Variants in TET1 observed in about 807,000 individuals in gnomAD.
The protein encoded by TET1 is methylcytosine dioxygenase TET1.
A neutral mutation model predicts 148.7 loss-of-function variants in TET1; 13 were observed. That is an observed-to-expected ratio of 0.09 (90% CI 0.06 to 0.14). TET1 has a LOEUF of 0.14. Among genes scored for constraint, TET1 ranks in the 10% least tolerant of loss-of-function variants. TET1 has a pLI of 1.00. For missense variants in TET1, 2,182 were observed against 2,553.8 expected, an observed-to-expected ratio of 0.85 and a Z score of 3.14; for synonymous variants, 907 against 937.2, an observed-to-expected ratio of 0.97 and a Z score of 0.59.
chr10:68,674,869 C>A, intron 8 of TET1: 4 of 411,014 alleles, frequency 9.7e-6, no homozygotes, highest in South Asian at 8.5e-5. Context: ...AAGAAGTGGT[C>A]AATAAATTGA....
At chr10:68,595,965 C>G (rs865838806) in intron 2 of TET1, among the ~76,000 whole-genome samples, 1 of 28,822 alleles carries the variant, frequency 3.5e-5, no homozygotes, top group Non-Finnish European at 6.4e-5. Flanking sequence ...TATATATACA[C>G]ACACACACAC....
rs112413582 is a variant in TET1, at chr10:68,676,157, T to TTGTGTGTGTGTGTG, written c.4824+3128_4824+3141dup. On this transcript the variant is annotated intron_variant, in intron 8 of 11. Transcript: ENST00000373644. ...GGTGTGAGCCACAGCACCTGGCCTT[T>TTGTGTGTGTGTGTG]TGTGTGTGTGTGTGTGTGTGTGTGT... 3.1e-3 allele frequency among the ~76,000 whole-genome samples: 403 copies of TTGTGTGTGTGTGTG among 129,202 alleles called. 4 individuals are homozygous for TTGTGTGTGTGTGTG. The highest frequency in any genetic ancestry group is 8.6e-3 in the African/African-American group (290 of 33,876). 84.8% of individuals were successfully genotyped at this position (129,202 alleles called of 152,430 possible).
intron 3 of TET1, among the ~76,000 whole-genome samples, chr10:68,633,715 G>A (rs1708795610): frequency 6.6e-6 from 1 of 152,172 alleles, no homozygotes; most frequent in Admixed American, 6.6e-5. Flanking sequence ...GCAGGCATGA[G>A]CCACGGTGCC....
At chr10:68,647,063 C>G (rs747313578) in intron 4 of TET1, 58 bp downstream of exon 4, 81 of 1,504,476 alleles carry the variant, frequency 5.4e-5, no homozygotes, top group Middle Eastern at 1.8e-4. Flanking sequence ...TCAATCATGA[C>G]TGAAGCAAAT....
chr10:68,658,915 G>A lies in TET1; in HGVS notation c.4461+6321G>A, dbSNP rs117761471. ...GTATTTTAAAAATTAGCTGGATGTC[G>A]TGAGTAAATCACATTTAAGAATTTC... On this transcript the variant is annotated intron_variant, in intron 6 of 11. Coordinates refer to ENST00000373644, the MANE Select transcript of TET1 (RefSeq NM_030625.3). Among the ~76,000 whole-genome samples, 974 of 152,218 alleles carry A rather than the reference G, an allele frequency of 6.4e-3. 5 individuals are homozygous for A. Among genetic ancestry groups the A allele is most frequent in the South Asian group, 0.012 (58 of 4,816 alleles).
In TET1 at chr10:68,560,742, G is replaced by GCGC. The variant is rs1286107241; in HGVS notation, c.-123_-123+1insCGC. On this transcript the variant is annotated splice_region_variant and 5_prime_UTR_variant. Transcript: ENST00000373644. Reference sequence around the variant, plus strand: ...GCCCTGGGAATGTGACCCGGCCAGCGGTGAGTTGGGGCCGGGGCAGAGGGC... The same window carrying GCGC: ...GCCCTGGGAATGTGACCCGGCCAGCGCGCGTGAGTTGGGGCCGGGGCAGAGGGC... 1 of 152,476 alleles carries GCGC rather than the reference G, an allele frequency of 6.6e-6. No homozygotes were observed. The highest frequency in any genetic ancestry group is 2.4e-5 in the African/African-American group (1 of 41,464). The allele number at this position is 152,476 out of a possible 1,614,324, so 9.4% of individuals were successfully genotyped here.
rs1421574968 is a variant in TET1, at chr10:68,693,968, C to T, written c.*2154C>T. 4.3e-6 allele frequency: 1 copy of T among 230,410 alleles called. No homozygotes were observed. Among genetic ancestry groups the T allele is most frequent in the Admixed American group, 5.7e-5 (1 of 17,646 alleles). 14.3% of individuals were successfully genotyped at this position (230,410 alleles called of 1,614,324 possible). A position where few individuals can be genotyped will look rare whatever the true frequency, so the allele number is the denominator to read the frequency against. ...ATCACTTTTATTTTTCTTTGGATCA[C>T]CACCTATGACATAGTAAACTTGAAG... On this transcript the variant is annotated 3_prime_UTR_variant, in exon 12 of 12. Coordinates refer to ENST00000373644, the MANE Select transcript of TET1 (RefSeq NM_030625.3).
At chr10:68,638,769 G>C (rs1264858961) in intron 3 of TET1, among the ~76,000 whole-genome samples, 2 of 33,878 alleles carry the variant, frequency 5.9e-5, no homozygotes, top group African/African-American at 1.9e-4. Context: ...TGGAGTTTGT[G>C]TGTGTGTGTG....
chr10:68,682,433 G>C (rs1292620264), intron 9 of TET1, among the ~76,000 whole-genome samples: 1 of 152,050 alleles, frequency 6.6e-6, no homozygotes, highest in Non-Finnish European at 1.5e-5. Context: ...ATTTTAAAAG[G>C]AGTTACAAAT....
chr10:68,583,539 TGA>T (rs2053825468), intron 2 of TET1, among the ~76,000 whole-genome samples: 1 of 152,194 alleles, frequency 6.6e-6, no homozygotes, highest in Non-Finnish European at 1.5e-5. Flanking sequence ...TGCTTTTTAC[TGA>T]TTTAATTATG....
In TET1 at chr10:68,667,202, A is replaced by C; in HGVS notation, c.4619A>C (p.Asn1540Thr). Residue 1540 changes from asparagine to threonine, a missense_variant, in exon 7 of 12, where the codon AAT becomes ACT. Coordinates refer to ENST00000373644, the MANE Select transcript of TET1 (RefSeq NM_030625.3). ...CGGCTATACACAGAGCTCACAGAGA[A>C]TCTAAAGTCATACAATGGGCACCCT... is the stretch of plus-strand genomic sequence containing the variant. Reference protein sequence around the residue: ...ADRLYTELTENLKSYNGHPTD... With the variant: ...ADRLYTELTETLKSYNGHPTD... 6.2e-7 allele frequency: 1 copy of C among 1,614,146 alleles called. No homozygotes were observed.
intron 2 of TET1, among the ~76,000 whole-genome samples, chr10:68,589,662 ATTTTTTTTTTTT>A (rs57278279): frequency 3.6e-5 from 4 of 109,766 alleles, no homozygotes; most frequent in Non-Finnish European, 7.0e-5. Flanking sequence ...AATATCTCCA[ATTTTTTTTTTTT>A]TTTTTTTTTT....
intron 2 of TET1, among the ~76,000 whole-genome samples, chr10:68,577,413 G>A (rs11497984): frequency 0.29 from 44,820 of 152,050 alleles, 7,809 homozygotes; most frequent in Middle Eastern, 0.43. Flanking sequence ...GTGGCACTTC[G>A]AGAGGCTGAG....
At chr10:68,687,970 C>T (rs547979936) in intron 11 of TET1, among the ~76,000 whole-genome samples, 1 of 151,912 alleles carries the variant, frequency 6.6e-6, no homozygotes, top group South Asian at 2.1e-4. Context: ...GTTGCCAAAG[C>T]TGGAGTACAA....
intron 6 of TET1, among the ~76,000 whole-genome samples, chr10:68,658,597 A>C (rs551355630): frequency 6.6e-6 from 1 of 152,246 alleles, no homozygotes; most frequent in South Asian, 2.1e-4. Flanking sequence ...CTTCTCTTGA[A>C]ATGTTTCCTT....
At chr10:68,652,006 C>G in intron 5 of TET1, 70 bp downstream of exon 5, 1 of 1,383,332 alleles carries the variant, frequency 7.2e-7, no homozygotes, top group Non-Finnish European at 1.0e-6. Flanking sequence ...TAAATCATCT[C>G]TAAGAACAAA....
At chr10:68,654,539 C>T (rs2054993656) in intron 6 of TET1, among the ~76,000 whole-genome samples, 1 of 152,166 alleles carries the variant, frequency 6.6e-6, no homozygotes, top group South Asian at 2.1e-4. Context: ...ATTGCTTGAA[C>T]CCCCGAGGTG....
At position 68,573,111 on chromosome 10, in the gene TET1, C is replaced by T; in HGVS notation, c.773C>T (p.Pro258Leu). The change falls in exon 2 of 12, where the codon CCC (proline) becomes CTC (leucine). Residue 258 changes from proline (P) to leucine (L), a missense_variant. Physicochemically the swap from Pro to Leu is moderately conservative, Grantham distance 98 (BLOSUM62 -3). Coordinates refer to ENST00000373644, the MANE Select transcript of TET1 (RefSeq NM_030625.3). ...VCAPFPQRAT[P>L]KVTSQGNPSI... ...GCTCCTTTTCCCCAAAGAGCAACCC[C>T]CAAAGTTACCTCTCAAGGAAACCCC... 1 of 1,614,070 alleles carries T rather than the reference C, an allele frequency of 6.2e-7. No homozygotes were observed. The highest frequency in any genetic ancestry group is 8.5e-7 in the Non-Finnish European group (1 of 1,179,998).
intron 2 of TET1, among the ~76,000 whole-genome samples, chr10:68,599,944 C>T (rs551850132): frequency 6.6e-6 from 1 of 152,282 alleles, no homozygotes; most frequent in Admixed American, 6.5e-5. Context: ...CTCATCCTGT[C>T]CTTTTCCTTT....
Sources: allele counts gnomAD v4.1 joint callset (sites outside exome capture counted in the v4.1 genomes callset), GRCh38; gene constraint gnomAD v4.1.1; transcripts MANE v1.5; gene names NCBI Gene and HGNC (gene_info 2026-07-23, HGNC 2026-07-21).